Variants in FTO observed in about 807,000 individuals in gnomAD.
FTO encodes FTO alpha-ketoglutarate dependent dioxygenase, also known as alpha-ketoglutarate-dependent dioxygenase FTO.
Under a neutral mutation model 63.9 loss-of-function variants are expected in FTO, and 47 were observed. The ratio of observed to expected loss-of-function variants is 0.74; its 90% confidence interval spans 0.58 to 0.94. The LOEUF (loss-of-function observed/expected upper bound fraction) is 0.94. Among genes scored for constraint, FTO ranks in the 40% least tolerant of loss-of-function variants. The pLI is 0.00. For synonymous variants in FTO, 207 were observed against 224.4 expected, an observed-to-expected ratio of 0.92 and a Z score of 0.69; for missense variants, 562 against 618.1, an observed-to-expected ratio of 0.91 and a Z score of 0.96.
At chr16:53,867,139 T>C (rs1045457731) in intron 4 of FTO, among the ~76,000 whole-genome samples, 4 of 152,162 alleles carry the variant, frequency 2.6e-5, no homozygotes, top group African/African-American at 7.2e-5. Flanking sequence ...CCACAGATTA[T>C]TAGAAGTATA....
At chr16:54,082,499 A>G (rs2086173547) in intron 8 of FTO, among the ~76,000 whole-genome samples, 1 of 152,178 alleles carries the variant, frequency 6.6e-6, no homozygotes, top group African/African-American at 2.4e-5. Flanking sequence ...ATTGTCCTTA[A>G]CATTGTTTTC....
intron 4 of FTO, among the ~76,000 whole-genome samples, chr16:53,860,533 G>C (rs2080141013): frequency 6.6e-6 from 1 of 152,180 alleles, no homozygotes; most frequent in Non-Finnish European, 1.5e-5. Context: ...GGCTTCTAGG[G>C]AGGCCTCATA....
chr16:53,907,049 A>T (rs1021507788), intron 7 of FTO, among the ~76,000 whole-genome samples: 35 of 152,162 alleles, frequency 2.3e-4, no homozygotes, highest in Non-Finnish European at 4.1e-4. Flanking sequence ...GGGTAATATT[A>T]TCATATGCAA....
chr16:54,050,736 C>T (rs1249995410), intron 8 of FTO, among the ~76,000 whole-genome samples: 3 of 152,192 alleles, frequency 2.0e-5, no homozygotes, highest in Non-Finnish European at 2.9e-5. Context: ...GGCATGACCG[C>T]AGCCTAAAAC....
At chr16:53,921,257 C>G (rs2082000049) in intron 7 of FTO, among the ~76,000 whole-genome samples, 1 of 152,208 alleles carries the variant, frequency 6.6e-6, no homozygotes, top group Admixed American at 6.5e-5. Flanking sequence ...TTCCCCTCTC[C>G]CCCAGTGTTT....
intron 1 of FTO, among the ~76,000 whole-genome samples, chr16:53,776,400 T>C (rs753112411): frequency 6.6e-6 from 1 of 152,214 alleles, no homozygotes; most frequent in Non-Finnish European, 1.5e-5. Flanking sequence ...AAATTCACTT[T>C]GGCTTCTTTC....
intron 4 of FTO, among the ~76,000 whole-genome samples, chr16:53,857,275 C>T (rs1280838120): frequency 1.3e-5 from 2 of 152,068 alleles, no homozygotes; most frequent in Non-Finnish European, 2.9e-5. Flanking sequence ...TCTGTTGTTC[C>T]TTTCTTTGTG....
chr16:54,014,662 G>A (rs1354682433), intron 8 of FTO, among the ~76,000 whole-genome samples: 10 of 151,990 alleles, frequency 6.6e-5, no homozygotes, highest in African/African-American at 1.9e-4. Context: ...ACCTCCTTTA[G>A]TTTTGCATAT....
chr16:53,943,198 A>G (rs746059541), intron 8 of FTO, among the ~76,000 whole-genome samples: 3 of 152,248 alleles, frequency 2.0e-5, no homozygotes, highest in Non-Finnish European at 4.4e-5. Context: ...AATTTAGAGC[A>G]AAGATTAAAT....
chr16:53,993,633 G>A (rs1243540877), intron 8 of FTO: 2 of 152,178 alleles, frequency 1.3e-5, no homozygotes, highest in African/African-American at 4.8e-5. Flanking sequence ...TTTCTCTCAA[G>A]GCAGTAGGGG....
intron 2 of FTO, among the ~76,000 whole-genome samples, chr16:53,812,170 A>G (rs2078546662): frequency 6.6e-6 from 1 of 151,924 alleles, no homozygotes; most frequent in Non-Finnish European, 1.5e-5. Context: ...CTCATATGTC[A>G]TCTCCTGTAG....
In FTO at chr16:53,711,294, T is replaced by C. The variant is rs1485465434; in HGVS notation, c.45+7065T>C. 5 of 395,900 alleles carry C rather than the reference T, an allele frequency of 1.3e-5. No individual in the cohort carries two copies. In the East Asian group the frequency reaches 1.8e-4, roughly 14 times the overall value. The allele number at this position is 395,900 out of a possible 1,614,324, so 24.5% of individuals were successfully genotyped here. A position where few individuals can be genotyped will look rare whatever the true frequency, so the allele number is the denominator to read the frequency against. On this transcript the variant is annotated intron_variant, in intron 1 of 8. Transcript: ENST00000471389. Reference sequence around the variant, plus strand: ...CCCATGCAGCCAGAATGGTACTAGTTTTGTACCACCTTTCAGAAAATTGAG... The same window carrying C: ...CCCATGCAGCCAGAATGGTACTAGTCTTGTACCACCTTTCAGAAAATTGAG...
intron 7 of FTO, among the ~76,000 whole-genome samples, chr16:53,929,095 G>A (rs2082219902): frequency 6.6e-6 from 1 of 151,972 alleles, no homozygotes; most frequent in Non-Finnish European, 1.5e-5. Flanking sequence ...TACCTGCCTC[G>A]GCCTCCCAAA....
intron 7 of FTO, among the ~76,000 whole-genome samples, chr16:53,922,551 G>A (rs2082032048): frequency 6.6e-6 from 1 of 152,192 alleles, no homozygotes; most frequent in Admixed American, 6.5e-5. Context: ...AACCGACAAA[G>A]GAAACTACTG....
intron 8 of FTO, among the ~76,000 whole-genome samples, chr16:54,042,863 G>T (rs2085116446): frequency 1.3e-5 from 1 of 78,590 alleles, no homozygotes; most frequent in Non-Finnish European, 2.1e-5. Flanking sequence ...ACCTCACATG[G>T]CAGGGTATTC....
chr16:53,879,884 A>C lies in FTO; in HGVS notation c.1016A>C (p.Gln339Pro). 6.2e-7 allele frequency: 1 copy of C among 1,613,942 alleles called. No homozygotes were observed. Among genetic ancestry groups the C allele is most frequent in the Non-Finnish European group, 8.5e-7 (1 of 1,179,860 alleles). ...TTGGATTATATTTTACAACGCTGTC[A>C]GTTGGCTCTGCAGAATGTCTGTGAC... ...GTLDYILQRC[Q>P]LALQNVCDDV... Residue 339 changes from glutamine (Q) to proline (P), a missense_variant, in exon 6 of 9, where the codon CAG (glutamine) becomes CCG (proline). Coordinates refer to ENST00000471389, the MANE Select transcript of FTO (RefSeq NM_001080432.3).
chr16:53,999,627 G>A (rs1817005142), intron 8 of FTO: 1 of 152,180 alleles, frequency 6.6e-6, no homozygotes, highest in Non-Finnish European at 1.5e-5. Context: ...AAGACCCCAT[G>A]GAAGCAGATG....
chr16:53,734,634 C>T lies in FTO; in HGVS notation c.45+30405C>T, dbSNP rs544043229. ...GACATGACTTTTCCCACATCATAAG[C>T]TGTCTGGAAGGAGGAAGTTCTCATG... is the stretch of plus-strand genomic sequence containing the variant. On this transcript the variant is annotated intron_variant, in intron 1 of 8. Coordinates refer to ENST00000471389, the MANE Select transcript of FTO (RefSeq NM_001080432.3). Among the ~76,000 whole-genome samples, 97 of 152,334 alleles carry T rather than the reference C, an allele frequency of 6.4e-4. 1 individual carries two copies. Among genetic ancestry groups the T allele is most frequent in the African/African-American group, 2.9e-4 (12 of 41,580 alleles).
chr16:54,119,278 C>T lies in FTO; in HGVS notation c.*7363C>T, dbSNP rs1360352610. On this transcript the variant is annotated 3_prime_UTR_variant, in exon 9 of 9. Coordinates refer to ENST00000471389, the MANE Select transcript of FTO (RefSeq NM_001080432.3). ...GTCCCCAACTGAAAAACCTGATTAT[C>T]CTTTCAAATAGGGAATTCGGCTTTC... 6.6e-6 allele frequency: 1 copy of T among 152,158 alleles called. No homozygotes were observed. The highest frequency in any genetic ancestry group is 1.5e-5 in the Non-Finnish European group (1 of 68,032). 9.4% of individuals were successfully genotyped at this position (152,158 alleles called of 1,614,324 possible).
Sources: gnomAD v4.1 joint callset for allele counts (sites outside exome capture counted in the v4.1 genomes callset) on GRCh38, gnomAD v4.1.1 for gene constraint, MANE v1.5 for transcripts, NCBI Gene and HGNC (gene_info 2026-07-23, HGNC 2026-07-21) for gene names.